The following CCSER1 variants were observed in gnomAD, a reference collection of about 807,000 sequenced individuals.
CCSER1 encodes serine-rich coiled-coil domain-containing protein 1.
Under a neutral mutation model 82.0 loss-of-function variants are expected in CCSER1, and 41 were observed. The ratio of observed to expected loss-of-function variants is 0.50; its 90% CI spans 0.39 to 0.65. The LOEUF (loss-of-function observed/expected upper bound fraction) is 0.65. Among genes scored for constraint, CCSER1 ranks in the 30% least tolerant of loss-of-function variants. CCSER1 has a pLI of 0.00. For missense variants in CCSER1, 1,119 were observed against 1,064.2 expected (o/e 1.05, Z -0.72); for synonymous variants, 414 against 383.9 (o/e 1.08, Z -0.92).
intron 3 of CCSER1, among the ~76,000 whole-genome samples, chr4:90,374,819 AT>A (rs1748035365): frequency 6.6e-6 from 1 of 152,074 alleles, no homozygotes; most frequent in Non-Finnish European, 1.5e-5. Flanking sequence ...ATGTACTTTA[AT>A]TTTCAGACTT....
chr4:90,968,210 AAATAAT>A (rs999182175), intron 9 of CCSER1, among the ~76,000 whole-genome samples: 102 of 151,688 alleles, frequency 6.7e-4, no homozygotes, highest in African/African-American at 2.3e-3. Context: ...TATTAACATA[AAATAAT>A]AATAATAATA....
At chr4:90,283,234 A>G (rs115122277) in intron 1 of CCSER1, among the ~76,000 whole-genome samples, 1,625 of 152,082 alleles carry the variant, frequency 0.011, 14 homozygotes, top group African/African-American at 0.023. Context: ...CCCCGATCCC[A>G]TGCACCATTT....
At chr4:91,114,399 A>G (rs11938021) in intron 10 of CCSER1, among the ~76,000 whole-genome samples, 52,323 of 151,998 alleles carry the variant, frequency 0.34, 9,368 homozygotes, top group East Asian at 0.45. Context: ...TTAGAAGCAC[A>G]TTCCTAAGTA....
chr4:90,974,564 A>G (rs1735432232), intron 9 of CCSER1, among the ~76,000 whole-genome samples: 2 of 151,388 alleles, frequency 1.3e-5, no homozygotes, highest in Admixed American at 6.6e-5. Flanking sequence ...TACATAAAAC[A>G]TATTTTTCTC....
At chr4:90,263,342 C>T (rs72877787) in intron 1 of CCSER1, among the ~76,000 whole-genome samples, 6,816 of 152,200 alleles carry the variant, frequency 0.045, 398 homozygotes, top group African/African-American at 0.13. Context: ...GCAAAGAATC[C>T]GGCTATGTGA....
At chr4:90,512,347 T>A (rs1456520813) in intron 5 of CCSER1, among the ~76,000 whole-genome samples, 1 of 151,650 alleles carries the variant, frequency 6.6e-6, no homozygotes, top group Non-Finnish European at 1.5e-5. Flanking sequence ...GAACAAATCC[T>A]TTTGAAAATC....
At chr4:91,086,061 GTGA>G (rs1723364874) in intron 10 of CCSER1, 67 bp downstream of exon 10, 5 of 925,504 alleles carry the variant, frequency 5.4e-6, no homozygotes, top group Middle Eastern at 4.3e-4. Context: ...CAGTGATGTG[GTGA>G]TGGTGATTGA....
At chr4:90,917,446 T>C (rs1394019108) in intron 8 of CCSER1, among the ~76,000 whole-genome samples, 2 of 152,052 alleles carry the variant, frequency 1.3e-5, no homozygotes, top group African/African-American at 4.8e-5. Flanking sequence ...TTCTCACTCA[T>C]AGGTGGGAAT....
intron 10 of CCSER1, among the ~76,000 whole-genome samples, chr4:91,480,745 T>A (rs1356807786): frequency 1.3e-5 from 2 of 152,168 alleles, no homozygotes; most frequent in Non-Finnish European, 2.9e-5. Context: ...GAAACAGCAG[T>A]CTAGAGCACA....
intron 5 of CCSER1, among the ~76,000 whole-genome samples, chr4:90,600,517 G>A (rs1316397237): frequency 2.0e-5 from 3 of 151,990 alleles, no homozygotes; most frequent in Non-Finnish European, 2.9e-5. Flanking sequence ...TGAAAAATAT[G>A]TGTTAATTGA....
chr4:90,128,884 C>G (rs143650708), intron 1 of CCSER1, among the ~76,000 whole-genome samples: 1 of 152,042 alleles, frequency 6.6e-6, no homozygotes, highest in Non-Finnish European at 1.5e-5. Flanking sequence ...TATGCTTCCC[C>G]TTCCTCTCGT....
At chr4:91,308,751 G>A (rs760032062) in intron 10 of CCSER1, among the ~76,000 whole-genome samples, 2 of 151,824 alleles carry the variant, frequency 1.3e-5, no homozygotes, top group Non-Finnish European at 2.9e-5. Context: ...ACCATTTAGT[G>A]GAATGTAGTC....
chr4:90,683,775 A>C (rs1734307649), intron 6 of CCSER1, among the ~76,000 whole-genome samples: 3 of 152,098 alleles, frequency 2.0e-5, no homozygotes, highest in African/African-American at 7.2e-5. Context: ...GGAGATTTTT[A>C]GTTTTGCTAA....
intron 10 of CCSER1, among the ~76,000 whole-genome samples, chr4:91,192,598 A>C (rs1735094301): frequency 6.6e-6 from 1 of 152,072 alleles, no homozygotes; most frequent in Non-Finnish European, 1.5e-5. Flanking sequence ...TCTGTCTCTG[A>C]AATCTCCCAT....
At chr4:91,004,111 G>A (rs369498292) in intron 9 of CCSER1, among the ~76,000 whole-genome samples, 11 of 152,268 alleles carry the variant, frequency 7.2e-5, no homozygotes, top group Middle Eastern at 3.4e-3. Flanking sequence ...CACTTCCTTC[G>A]GAGAGTCTGT....
At chr4:91,065,118 C>T (rs1037019252) in intron 9 of CCSER1, among the ~76,000 whole-genome samples, 5 of 151,142 alleles carry the variant, frequency 3.3e-5, no homozygotes, top group African/African-American at 9.7e-5. Flanking sequence ...GGCCTTAGAC[C>T]ATGTTAAATG....
chr4:90,552,551 G>A lies in CCSER1; in HGVS notation c.1725-75474G>A, dbSNP rs573933020. Among the ~76,000 whole-genome samples, 48 of 152,028 alleles carry A rather than the reference G, an allele frequency of 3.2e-4. 1 individual carries two copies. The South Asian group carries it at 9.1e-3, about 29-fold the overall frequency. ...CAGCTCACTGCAACCTCCACTTCCC[G>A]GGCTCAAGCGATTCTCCCACCTCAG... On this transcript the variant is annotated intron_variant, in intron 5 of 10. Transcript: ENST00000509176.
intron 10 of CCSER1, among the ~76,000 whole-genome samples, chr4:91,412,954 A>AAC (rs201619254): frequency 2.3e-5 from 2 of 88,862 alleles, no homozygotes; most frequent in South Asian, 3.0e-4. Context: ...TAAGGAAACA[A>AAC]AAAAAAAACA....
intron 5 of CCSER1, among the ~76,000 whole-genome samples, chr4:90,501,456 A>C (rs1769866895): frequency 1.3e-5 from 2 of 152,236 alleles, no homozygotes; most frequent in Middle Eastern, 3.4e-3. Flanking sequence ...ACTTAATAAT[A>C]ATTGCTTCTC....
Sources: gnomAD v4.1 joint callset for allele counts (sites outside exome capture counted in the v4.1 genomes callset) on GRCh38, gnomAD v4.1.1 for gene constraint, MANE v1.5 for transcripts, NCBI Gene and HGNC (gene_info 2026-07-23, HGNC 2026-07-21) for gene names.